TET2: variants seen among roughly 807,000 people sequenced by gnomAD.
The protein encoded by TET2 is tet methylcytosine dioxygenase 2.
A neutral mutation model predicts 142.9 loss-of-function variants in TET2; 299 were observed. That is an observed-to-expected ratio of 2.09 (90% CI 1.90 to 2.30). TET2 has a LOEUF of 2.30. Among genes scored for constraint, TET2 ranks in the 30% most tolerant of loss-of-function variants. TET2 has a pLI of 0.00. For missense variants in TET2, 2,418 were observed against 2,378.0 expected, an observed-to-expected ratio of 1.02 and a Z score of -0.35; for synonymous variants, 819 against 849.0, an observed-to-expected ratio of 0.96 and a Z score of 0.61.
rs2110255416 is a variant in TET2, at chr4:105,243,695, G to A, written c.3720G>A (p.Leu1240=). The part of the protein sequence containing the change: ...ILVWEGIPLS[L]ADKLYSELTE... The stretch of plus-strand genomic sequence containing the variant: ...TGTGGGAAGGAATCCCGCTGTCTCT[G>A]GCTGACAAACTCTACTCGGAGCTTA... Residue 1240 remains leucine (L), a synonymous_variant, in exon 6 of 11, where the codon CTG becomes CTA. Coordinates refer to ENST00000380013, the MANE Select transcript of TET2 (RefSeq NM_001127208.3). 1 of 1,551,558 alleles carries A rather than the reference G, an allele frequency of 6.4e-7. No homozygotes were observed.
chr4:105,185,034 T>C (rs796119369), intron 1 of TET2, among the ~76,000 whole-genome samples: 9 of 152,358 alleles, frequency 5.9e-5, no homozygotes, highest in African/African-American at 2.2e-4. Context: ...TGTTTGATGA[T>C]GTTTGATCAA....
At chr4:105,187,379 A>G (rs988723614) in intron 1 of TET2, among the ~76,000 whole-genome samples, 4 of 152,184 alleles carry the variant, frequency 2.6e-5, no homozygotes, top group African/African-American at 7.2e-5. Flanking sequence ...CCCTCTTCTA[A>G]TCTTAATAAT....
intron 4 of TET2, chr4:105,241,998 T>A: frequency 8.0e-7 from 1 of 1,243,264 alleles, no homozygotes; most frequent in Non-Finnish European, 1.0e-6. Flanking sequence ...TACTCCTGCA[T>A]GTAGAAGACT....
chr4:105,238,277 T>C, intron 3 of TET2: 1 of 239,504 alleles, frequency 4.2e-6, no homozygotes. Flanking sequence ...TGGTAGTTGC[T>C]GAAGGTTGCT....
At position 105,224,545 on chromosome 4, in the gene TET2, A is replaced by G. The variant is rs1728055965; in HGVS notation, c.-46-9352A>G. On this transcript the variant is annotated intron_variant, in intron 2 of 10. Transcript: ENST00000380013. Reference sequence around the variant, plus strand: ...AAATCAAAGGAAAACTGCTGTGGCTAAAACCTGTTTTGGTCTTAGGAAACC... The same window carrying G: ...AAATCAAAGGAAAACTGCTGTGGCTGAAACCTGTTTTGGTCTTAGGAAACC... Among the ~76,000 whole-genome samples, 3 of 152,160 alleles carry G rather than the reference A, an allele frequency of 2.0e-5. No homozygotes were observed. In the South Asian group the frequency reaches 6.2e-4, roughly 31 times the overall value.
intron 2 of TET2, among the ~76,000 whole-genome samples, chr4:105,218,770 A>G (rs576944122): frequency 5.9e-5 from 9 of 152,164 alleles, no homozygotes; most frequent in African/African-American, 1.7e-4. Flanking sequence ...AAGATTCTTA[A>G]AGATAGAGAC....
chr4:105,207,438 G>T (rs1726894097), intron 2 of TET2, among the ~76,000 whole-genome samples: 1 of 152,152 alleles, frequency 6.6e-6, no homozygotes, highest in African/African-American at 2.4e-5. Flanking sequence ...TTAAACAAGA[G>T]TTTTATTGCA....
intron 1 of TET2, among the ~76,000 whole-genome samples, chr4:105,168,785 T>G (rs1002232696): frequency 6.6e-6 from 1 of 152,176 alleles, no homozygotes; most frequent in African/African-American, 2.4e-5. Flanking sequence ...GTCATTCTTA[T>G]GCCTTTGCAT....
In TET2 at chr4:105,235,118, T is replaced by C. The variant is rs920801160; in HGVS notation, c.1176T>C (p.Phe392=). 2.5e-6 allele frequency: 4 copies of C among 1,613,964 alleles called. No individual in the cohort carries two copies. The East Asian group carries it at 8.9e-5, about 36-fold the overall frequency. Reference sequence around the variant, plus strand: ...GCTCAGTGTTCACTAAGGATTCCTTTTCTGCCACTACCACACCACCACCAC... The same window carrying C: ...GCTCAGTGTTCACTAAGGATTCCTTCTCTGCCACTACCACACCACCACCAC... ...KQSSVFTKDS[F]SATTTPPPPS... The change falls in exon 3 of 11, where the codon TTT becomes TTC. Residue 392 remains phenylalanine, a synonymous_variant. Coordinates refer to ENST00000380013, the MANE Select transcript of TET2 (RefSeq NM_001127208.3).
At chr4:105,219,097 A>T (rs994876423) in intron 2 of TET2, among the ~76,000 whole-genome samples, 6 of 152,088 alleles carry the variant, frequency 3.9e-5, no homozygotes, top group Non-Finnish European at 8.8e-5. Context: ...GTTATGAAAT[A>T]ATGTTGGCAG....
In TET2 at chr4:105,248,972, TA is replaced by T. The variant is rs954830462; in HGVS notation, c.3803+5205del. ...TGTTTTCAAGTCTCATTCATTTTAT[TA>T]AAAAAAAAAAGTACCTTTTTTCTTT... On this transcript the variant is annotated intron_variant, in intron 6 of 10. Coordinates refer to ENST00000380013, the MANE Select transcript of TET2 (RefSeq NM_001127208.3). Among the ~76,000 whole-genome samples the T allele has an allele frequency of 1.5e-3, 211 of 144,748 alleles. 1 individual carries two copies. Among genetic ancestry groups the T allele is most frequent in the African/African-American group, 4.0e-3 (160 of 39,708 alleles). 95.0% of individuals were successfully genotyped at this position (144,748 alleles called of 152,430 possible).
chr4:105,204,803 G>A (rs1029458018), intron 2 of TET2, among the ~76,000 whole-genome samples: 1 of 152,074 alleles, frequency 6.6e-6, no homozygotes, highest in African/African-American at 2.4e-5. Flanking sequence ...TGTAGGTACA[G>A]CACCTCTGTG....
At chr4:105,214,636 C>G (rs990380014) in intron 2 of TET2, among the ~76,000 whole-genome samples, 3 of 151,582 alleles carry the variant, frequency 2.0e-5, no homozygotes, top group Non-Finnish European at 4.4e-5. Flanking sequence ...GTCTTAAAAC[C>G]CCAGAGAAGG....
chr4:105,199,775 A>G (rs900463398), intron 2 of TET2, among the ~76,000 whole-genome samples: 3 of 152,110 alleles, frequency 2.0e-5, no homozygotes, highest in Non-Finnish European at 2.9e-5. Flanking sequence ...CCCACTTATA[A>G]GTGAGAACAT....
Position 105,272,594 on chromosome 4 carries a change from G to A in TET2, c.4213G>A (p.Glu1405Lys). ...VCTLTREDNR[E>K]FGGKPEDEQL... Reference sequence around the variant, plus strand: ...CACTCTCACTAGAGAAGACAATCGAGAATTTGGAGGAAAACCTGAGGATGA... The same window carrying A: ...CACTCTCACTAGAGAAGACAATCGAAAATTTGGAGGAAAACCTGAGGATGA... Residue 1405 changes from glutamate (E) to lysine (K), a missense_variant, in exon 10 of 11, where the codon GAA becomes AAA. Coordinates refer to ENST00000380013, the MANE Select transcript of TET2 (RefSeq NM_001127208.3). The A allele has an allele frequency of 6.5e-7, 1 of 1,546,194 alleles. No homozygotes were observed. The highest frequency in any genetic ancestry group is 1.2e-5 in the South Asian group (1 of 83,018).
chr4:105,239,167 T>C, intron 3 of TET2: 2 of 239,522 alleles, frequency 8.3e-6, no homozygotes, highest in Non-Finnish European at 1.8e-5. Flanking sequence ...TCATCCAGAC[T>C]TTGTTGTTCC....
intron 6 of TET2, among the ~76,000 whole-genome samples, chr4:105,247,517 T>C (rs1159450844): frequency 6.6e-6 from 1 of 152,164 alleles, no homozygotes; most frequent in Non-Finnish European, 1.5e-5. Context: ...TTCACAAGCC[T>C]CTTTTTATTT....
chr4:105,204,232 T>TACACACACACACACAC (rs762266771), intron 2 of TET2, among the ~76,000 whole-genome samples: 11 of 107,708 alleles, frequency 1.0e-4, no homozygotes, highest in South Asian at 5.4e-4. Flanking sequence ...AAAAAAAATA[T>TACACACACACACACAC]ATACACACAC....
intron 1 of TET2, among the ~76,000 whole-genome samples, chr4:105,188,758 C>T (rs1207765890): frequency 6.6e-6 from 1 of 152,086 alleles, no homozygotes. Context: ...CGTAAAAGGC[C>T]AAATTTTGTA....
Sources: gnomAD v4.1 joint callset for allele counts (sites outside exome capture counted in the v4.1 genomes callset) on GRCh38, gnomAD v4.1.1 for gene constraint, MANE v1.5 for transcripts, NCBI Gene and HGNC (gene_info 2026-07-23, HGNC 2026-07-21) for gene names.